HTR7: variants seen among roughly 807,000 people sequenced by gnomAD.
HTR7 encodes the protein 5-hydroxytryptamine receptor 7, also known as 5-HT-7.
In HTR7, 16 loss-of-function variants were observed where a neutral mutation model predicts 34.0. The ratio of observed to expected loss-of-function variants is 0.47; its 90% CI spans 0.32 to 0.71. The LOEUF (loss-of-function observed/expected upper bound fraction) is 0.71, where lower values mean the gene tolerates loss of function less well. Among genes scored for constraint, HTR7 ranks in the 30% least tolerant of loss-of-function variants. The probability of loss-of-function intolerance (pLI) is 0.04; values close to 1 mark genes in which losing one functional copy is unlikely to be tolerated. For synonymous variants in HTR7, 265 were observed against 260.2 expected, an observed-to-expected ratio of 1.02 and a Z score of -0.18; for missense variants, 504 against 625.5, an observed-to-expected ratio of 0.81 and a Z score of 2.07.
At chr10:90,802,419 T>C (rs1407509283) in intron 1 of HTR7, among the ~76,000 whole-genome samples, 3 of 152,244 alleles carry the variant, frequency 2.0e-5, no homozygotes, top group Non-Finnish European at 2.9e-5. Flanking sequence ...GAGAGAATTT[T>C]GGAGGATCAC....
intron 1 of HTR7, among the ~76,000 whole-genome samples, chr10:90,817,739 G>A (rs755370625): frequency 3.3e-5 from 5 of 152,108 alleles, no homozygotes; most frequent in Non-Finnish European, 7.3e-5. Context: ...CACTCATTTC[G>A]GTTGTCAGTC....
intron 1 of HTR7, among the ~76,000 whole-genome samples, chr10:90,853,574 G>C (rs1846533359): frequency 6.6e-6 from 1 of 151,296 alleles, no homozygotes; most frequent in African/African-American, 2.4e-5. Context: ...CAAAGTGCTG[G>C]GATTACAGTT....
chr10:90,783,669 T>G (rs1845340493), intron 1 of HTR7, among the ~76,000 whole-genome samples: 1 of 152,268 alleles, frequency 6.6e-6, no homozygotes, highest in Non-Finnish European at 1.5e-5. Context: ...TCCATAATGC[T>G]ACTAGAAATA....
intron 1 of HTR7, among the ~76,000 whole-genome samples, chr10:90,798,918 C>A (rs1246177743): frequency 6.6e-6 from 1 of 152,154 alleles, no homozygotes; most frequent in Non-Finnish European, 1.5e-5. Context: ...AACTAGACCG[C>A]CTTTGTAGAG....
intron 1 of HTR7, among the ~76,000 whole-genome samples, chr10:90,824,995 G>A (rs970521292): frequency 6.6e-6 from 1 of 152,240 alleles, no homozygotes; most frequent in African/African-American, 2.4e-5. Flanking sequence ...AATACAGGCA[G>A]TAGCCAGGTA....
chr10:90,840,172 C>T (rs886293478), intron 1 of HTR7, among the ~76,000 whole-genome samples: 3 of 129,350 alleles, frequency 2.3e-5, no homozygotes, highest in South Asian at 2.4e-4. Flanking sequence ...TTCTCTCTCT[C>T]TCTCTCACAC....
chr10:90,824,409 C>CT (rs1372881019), intron 1 of HTR7, among the ~76,000 whole-genome samples: 1 of 152,240 alleles, frequency 6.6e-6, no homozygotes, highest in Non-Finnish European at 1.5e-5. Flanking sequence ...GGATGAGACT[C>CT]TGAGATGTAC....
chr10:90,743,682 C>T lies in HTR7; in HGVS notation c.1304G>A (p.Cys435Tyr). 6.2e-7 allele frequency: 1 copy of T among 1,613,172 alleles called. No individual in the cohort carries two copies. Among genetic ancestry groups the T allele is most frequent in the Non-Finnish European group, 8.5e-7 (1 of 1,179,194 alleles). Residue 435 changes from cysteine to tyrosine, a missense_variant, in exon 3 of 4, where the codon TGC (cysteine) becomes TAC (tyrosine). Physicochemically the swap from Cys to Tyr is radical, Grantham distance 194. This residue lies in a region of HTR7 where 154 missense variants were observed against 212.1 expected (regional missense o/e 0.73). Transcript: ENST00000336152. ...TGGTCTCAACAGCACCCTCCTTGTG[C>T]AGGCCCTCCTGCAATTTATGGCAAT... ...PERPEFVLRACTRRVLLRPEK... is the reference protein window; with the variant it reads ...PERPEFVLRAYTRRVLLRPEK...
At chr10:90,753,840 T>C (rs1424501326) in intron 1 of HTR7, among the ~76,000 whole-genome samples, 2 of 152,056 alleles carry the variant, frequency 1.3e-5, no homozygotes, top group Non-Finnish European at 2.9e-5. Flanking sequence ...TAAAAACACA[T>C]AGCTCTTAAA....
chr10:90,758,355 A>AAAAAAAAAGG, intron 1 of HTR7, among the ~76,000 whole-genome samples: 1 of 149,498 alleles, frequency 6.7e-6, no homozygotes, highest in African/African-American at 2.5e-5. Flanking sequence ...AAAAAAAAAA[A>AAAAAAAAAGG]AAAGGAAAGG....
intron 1 of HTR7, among the ~76,000 whole-genome samples, chr10:90,785,010 T>C (rs912131859): frequency 7.2e-5 from 11 of 152,216 alleles, no homozygotes; most frequent in Non-Finnish European, 5.9e-5. Flanking sequence ...TAGGATGCCG[T>C]GTCCTCCAGA....
chr10:90,846,653 G>A (rs189290258), intron 1 of HTR7, among the ~76,000 whole-genome samples: 7 of 152,254 alleles, frequency 4.6e-5, no homozygotes, highest in Admixed American at 1.3e-4. Context: ...AGAGGAAGAC[G>A]GCACACACCA....
chr10:90,774,657 C>T (rs944179765), intron 1 of HTR7, among the ~76,000 whole-genome samples: 8 of 152,182 alleles, frequency 5.3e-5, no homozygotes, highest in African/African-American at 1.2e-4. Context: ...CCCAATGACA[C>T]GGTGAGGGAC....
At chr10:90,826,530 TAA>T (rs1846076987) in intron 1 of HTR7, among the ~76,000 whole-genome samples, 1 of 86,570 alleles carries the variant, frequency 1.2e-5, no homozygotes, top group Admixed American at 9.6e-5. Flanking sequence ...ATAAAAATAA[TAA>T]TTTTAAGGCA....
chr10:90,809,391 C>T (rs187676872), intron 1 of HTR7, among the ~76,000 whole-genome samples: 1 of 152,280 alleles, frequency 6.6e-6, no homozygotes, highest in African/African-American at 2.4e-5. Flanking sequence ...TTGGCAGCAA[C>T]CCTGAGACTC....
intron 1 of HTR7, among the ~76,000 whole-genome samples, chr10:90,805,620 T>A (rs1164773815): frequency 6.6e-6 from 1 of 152,222 alleles, no homozygotes; most frequent in Admixed American, 6.5e-5. Context: ...TAGCTAATAA[T>A]TGTTTTAAGG....
chr10:90,845,476 A>G (rs1313910684), intron 1 of HTR7, among the ~76,000 whole-genome samples: 2 of 152,188 alleles, frequency 1.3e-5, no homozygotes, highest in Non-Finnish European at 2.9e-5. Flanking sequence ...ATAGCATGGC[A>G]TTAAAAGTGT....
In HTR7 at chr10:90,844,850, G is replaced by T. The variant is rs373929006; in HGVS notation, c.539+12283C>A. Among the ~76,000 whole-genome samples the T allele has an allele frequency of 1.1e-4, 17 of 149,114 alleles. No individual in the cohort carries two copies. The South Asian group carries it at 3.5e-3, about 31-fold the overall frequency. On this transcript the variant is annotated intron_variant, in intron 1 of 3. Transcript: ENST00000336152. ...TTCAAATATACTGATGTGACGCCCAGGCCCATCTGGCATCAATTAAATAAG... is the reference window on the plus strand; with the variant it reads ...TTCAAATATACTGATGTGACGCCCATGCCCATCTGGCATCAATTAAATAAG...
chr10:90,785,773 T>C (rs1195551519), intron 1 of HTR7, among the ~76,000 whole-genome samples: 2 of 152,228 alleles, frequency 1.3e-5, no homozygotes, highest in Admixed American at 1.3e-4. Context: ...GCTGATTTTT[T>C]TCCCCAACAA....
Sources: allele counts gnomAD v4.1 joint callset (sites outside exome capture counted in the v4.1 genomes callset), GRCh38; gene constraint gnomAD v4.1.1; regional missense constraint gnomAD v4.1.1; transcripts MANE v1.5; gene names NCBI Gene and HGNC (gene_info 2026-07-23, HGNC 2026-07-21).